Variants in SYT1 observed in about 807,000 individuals in gnomAD.
SYT1 encodes synaptotagmin 1.
SYT1 carries 8 observed loss-of-function variants against 44.8 expected under a neutral mutation model. That is an observed-to-expected ratio of 0.18 (90% confidence interval 0.10 to 0.32). The LOEUF is 0.32. SYT1 is among the 10% of genes least tolerant of loss of function. The pLI, the probability that SYT1 is intolerant of heterozygous loss-of-function variation, is 1.00. For missense variants in SYT1, 286 were observed against 509.3 expected (o/e 0.56, Z 4.22); for synonymous variants, 154 against 188.8 (o/e 0.82, Z 1.51).
intron 1 of SYT1, among the ~76,000 whole-genome samples, chr12:78,912,593 G>A (rs951715624): frequency 1.3e-5 from 2 of 151,890 alleles, no homozygotes; most frequent in African/African-American, 2.4e-5. Flanking sequence ...TTATGTAATG[G>A]AAGTAGTCTG....
intron 3 of SYT1, among the ~76,000 whole-genome samples, chr12:79,085,221 T>A (rs1182601713): frequency 1.3e-5 from 2 of 152,106 alleles, no homozygotes; most frequent in African/African-American, 4.8e-5. Context: ...TACTCACACA[T>A]AAGTATTAGC....
chr12:79,113,876 A>G (rs1879143831), intron 3 of SYT1, among the ~76,000 whole-genome samples: 1 of 152,108 alleles, frequency 6.6e-6, no homozygotes, highest in Non-Finnish European at 1.5e-5. Flanking sequence ...TCATAGTCCT[A>G]TCTAATTCTG....
chr12:79,096,363 G>A lies in SYT1; in HGVS notation c.-18+49001G>A, dbSNP rs370263972. ...CCTCTGAATAGCCGTCTCAAAATAT[G>A]CCAAAGAGGTACACTCTGAGGTGAT... On this transcript the variant is annotated intron_variant, in intron 3 of 10. Transcript: ENST00000261205. 7.2e-5 allele frequency among the ~76,000 whole-genome samples: 11 copies of A among 152,048 alleles called. 1 individual carries two copies. In the East Asian group the frequency reaches 7.7e-4, roughly 11 times the overall value.
intron 8 of SYT1, among the ~76,000 whole-genome samples, chr12:79,306,158 A>G (rs1035308922): frequency 6.6e-6 from 1 of 152,232 alleles, no homozygotes; most frequent in South Asian, 2.1e-4. Flanking sequence ...TGACTGCAAC[A>G]TCCAAAGTGC....
At chr12:79,436,874 C>T (rs373900966) in intron 9 of SYT1, among the ~76,000 whole-genome samples, 2 of 151,984 alleles carry the variant, frequency 1.3e-5, no homozygotes, top group East Asian at 1.9e-4. Flanking sequence ...GCACAGGAGT[C>T]CTCCAATACC....
intron 9 of SYT1, among the ~76,000 whole-genome samples, chr12:79,389,482 G>A (rs911859601): frequency 6.6e-6 from 1 of 152,270 alleles, no homozygotes; most frequent in East Asian, 1.9e-4. Flanking sequence ...ATTTTATAGA[G>A]AGTAGCCCAT....
Position 78,931,238 on chromosome 12 carries a change from A to AGGAAG in SYT1, c.-216-46560_-216-46559insGAAGG, listed in dbSNP as rs1187572734. Among the ~76,000 whole-genome samples the AGGAAG allele has an allele frequency of 1.6e-3, 65 of 41,124 alleles. 4 individuals carry two copies. Among genetic ancestry groups the AGGAAG allele is most frequent in the African/African-American group, 2.9e-3 (26 of 8,840 alleles). 27.0% of individuals were successfully genotyped at this position (41,124 alleles called of 152,430 possible). ...AAGAAAGAAAGAAAGAAAGAAAGAA[A>AGGAAG]GAAGGAAGGAAGGAAGGAAGGAAGG... On this transcript the variant is annotated intron_variant, in intron 1 of 10. Coordinates refer to ENST00000261205, the MANE Select transcript of SYT1 (RefSeq NM_005639.3).
At chr12:79,190,372 C>G (rs931541967) in intron 3 of SYT1, among the ~76,000 whole-genome samples, 1 of 151,978 alleles carries the variant, frequency 6.6e-6, no homozygotes, top group Non-Finnish European at 1.5e-5. Context: ...TCACATAAAA[C>G]TAGATAAAAT....
At chr12:79,117,487 A>G (rs1358949452) in intron 3 of SYT1, among the ~76,000 whole-genome samples, 1 of 150,912 alleles carries the variant, frequency 6.6e-6, no homozygotes, top group Non-Finnish European at 1.5e-5. Flanking sequence ...AATCAAGGAA[A>G]AAGCTTCCAC....
chr12:78,918,871 T>G (rs1876820203), intron 1 of SYT1, among the ~76,000 whole-genome samples: 1 of 152,108 alleles, frequency 6.6e-6, no homozygotes, highest in South Asian at 2.1e-4. Context: ...AGGAGAAATG[T>G]TTATGACATA....
At chr12:78,997,642 T>C (rs1170701619) in intron 2 of SYT1, among the ~76,000 whole-genome samples, 1 of 151,982 alleles carries the variant, frequency 6.6e-6, no homozygotes, top group Non-Finnish European at 1.5e-5. Flanking sequence ...ATCTTTCCCC[T>C]TTCTTTCCTT....
chr12:79,121,060 T>C, intron 3 of SYT1, among the ~76,000 whole-genome samples: 1 of 152,016 alleles, frequency 6.6e-6, no homozygotes, highest in Non-Finnish European at 1.5e-5. Context: ...TGTTCATACA[T>C]CTATCACCAA....
intron 8 of SYT1, among the ~76,000 whole-genome samples, chr12:79,339,353 A>G (rs1882250695): frequency 6.6e-6 from 1 of 152,186 alleles, no homozygotes; most frequent in Non-Finnish European, 1.5e-5. Flanking sequence ...CTTTTTAATG[A>G]TCGCCATTCT....
intron 8 of SYT1, among the ~76,000 whole-genome samples, chr12:79,350,442 C>T (rs2135999858): frequency 6.6e-6 from 1 of 151,884 alleles, no homozygotes; most frequent in African/African-American, 2.4e-5. Context: ...TTAGTAGAGA[C>T]GGGGTTTTAC....
At chr12:79,110,419 C>CT (rs1878950575) in intron 3 of SYT1, among the ~76,000 whole-genome samples, 1 of 151,988 alleles carries the variant, frequency 6.6e-6, no homozygotes. Context: ...AAAATAGGGA[C>CT]TTTATGGGGT....
chr12:79,383,190 A>T (rs1884296727), intron 9 of SYT1, among the ~76,000 whole-genome samples: 1 of 152,198 alleles, frequency 6.6e-6, no homozygotes, highest in Non-Finnish European at 1.5e-5. Flanking sequence ...TAGGTGTTGT[A>T]GCCTGCTACA....
At chr12:79,045,342 G>A (rs910875662) in intron 2 of SYT1, among the ~76,000 whole-genome samples, 2 of 152,138 alleles carry the variant, frequency 1.3e-5, no homozygotes, top group Non-Finnish European at 2.9e-5. Flanking sequence ...TTTTTAAGCC[G>A]GTCGGAAAAG....
intron 9 of SYT1, among the ~76,000 whole-genome samples, chr12:79,380,932 G>C (rs1432128289): frequency 6.6e-6 from 1 of 152,104 alleles, no homozygotes; most frequent in African/African-American, 2.4e-5. Flanking sequence ...CTGTGTCCTA[G>C]TGTGCAAGCC....
chr12:78,972,849 C>T (rs535822213), intron 1 of SYT1, among the ~76,000 whole-genome samples: 58 of 152,150 alleles, frequency 3.8e-4, no homozygotes, highest in Non-Finnish European at 7.9e-4. Context: ...GGGTGCCAGA[C>T]AGTCTGCTAT....
Sources: allele counts gnomAD v4.1 joint callset (sites outside exome capture counted in the v4.1 genomes callset), GRCh38; gene constraint gnomAD v4.1.1; transcripts MANE v1.5; gene names NCBI Gene and HGNC (gene_info 2026-07-23, HGNC 2026-07-21).